STPG2: variants seen among roughly 807,000 people sequenced by gnomAD.
The protein encoded by STPG2 is sperm tail PG-rich repeat containing 2.
STPG2 carries 56 observed loss-of-function variants against 54.2 expected under a neutral mutation model. The observed-to-expected ratio is 1.03, with a 90% CI of 0.83 to 1.29. The LOEUF is 1.29. Among genes scored for constraint, STPG2 ranks in the 50% most tolerant of loss-of-function variants. The pLI is 0.00. For synonymous variants in STPG2, 200 were observed against 181.8 expected (o/e 1.10, Z -0.81); for missense variants, 596 against 544.9 (o/e 1.09, Z -0.93).
chr4:97,705,516 G>C (rs1375974130), intron 10 of STPG2, among the ~76,000 whole-genome samples: 1 of 151,844 alleles, frequency 6.6e-6, no homozygotes, highest in Non-Finnish European at 1.5e-5. Context: ...AGTCGAGACG[G>C]GGTTTCATCA....
chr4:97,553,943 A>G (rs1732022109), downstream of STPG2, among the ~76,000 whole-genome samples: 1 of 151,404 alleles, frequency 6.6e-6, no homozygotes, highest in African/African-American at 2.5e-5. Context: ...CCTGCCATAC[A>G]GACAGACACT....
chr4:97,521,979 T>C (rs959297671), intron 4 of STPG2, among the ~76,000 whole-genome samples: 14 of 151,866 alleles, frequency 9.2e-5, no homozygotes, highest in African/African-American at 3.1e-4. Context: ...TTAAAAATAT[T>C]AGTGGTAATG....
At chr4:97,685,391 G>A (rs932981675) in intron 10 of STPG2, among the ~76,000 whole-genome samples, 2 of 152,056 alleles carry the variant, frequency 1.3e-5, no homozygotes, top group African/African-American at 2.4e-5. Context: ...AAATAAATGC[G>A]TTATCAAGCT....
chr4:97,957,106 TAC>T (rs1733700683), intron 7 of STPG2, among the ~76,000 whole-genome samples: 1 of 140,508 alleles, frequency 7.1e-6, no homozygotes, highest in African/African-American at 2.6e-5. Flanking sequence ...AGGTGAAATA[TAC>T]ATGTGAAATA....
intron 6 of STPG2, among the ~76,000 whole-genome samples, chr4:97,979,284 C>T (rs1734594626): frequency 6.6e-6 from 1 of 152,012 alleles, no homozygotes; most frequent in African/African-American, 2.4e-5. Flanking sequence ...AACCAAGAGC[C>T]TAAAAGGCAG....
At chr4:97,904,012 G>C (rs144505014) in intron 8 of STPG2, among the ~76,000 whole-genome samples, 27,465 of 152,114 alleles carry the variant, frequency 0.18, 3,056 homozygotes, top group Non-Finnish European at 0.26. Flanking sequence ...AGGCAGCAGC[G>C]AGGCTGGGGG....
chr4:98,139,911 T>A (rs533080685), intron 1 of STPG2, among the ~76,000 whole-genome samples: 1 of 152,358 alleles, frequency 6.6e-6, no homozygotes, highest in Admixed American at 6.5e-5. Context: ...TTATGTGTTA[T>A]GGTATTCACC....
intron 5 of STPG2, among the ~76,000 whole-genome samples, chr4:98,071,566 G>T (rs1368171862): frequency 6.6e-6 from 1 of 152,138 alleles, no homozygotes; most frequent in Non-Finnish European, 1.5e-5. Flanking sequence ...TGACAAGTGG[G>T]ATCTAATTAA....
intron 10 of STPG2, among the ~76,000 whole-genome samples, chr4:97,596,340 C>T (rs1308680394): frequency 1.3e-5 from 2 of 152,078 alleles, no homozygotes; most frequent in Admixed American, 1.3e-4. Context: ...TTAGACAGAT[C>T]ACTGAGACAG....
At position 97,455,051 on chromosome 4, in the gene STPG2, A is replaced by T. The variant is rs556003786; in HGVS notation, c.462+257648T>A. 2.6e-5 allele frequency among the ~76,000 whole-genome samples: 4 copies of T among 152,292 alleles called. 1 individual carries two copies. Among genetic ancestry groups the T allele is most frequent in the Admixed American group, 2.6e-4 (4 of 15,288 alleles). The stretch of plus-strand genomic sequence containing the variant: ...ATTGGTGAAAAAAAGAAACAAACAG[A>T]TTGATAGAAAAAAAAATCTAGACAC... On this transcript the variant is annotated intron_variant, in intron 4 of 4. Coordinates refer to the STPG2 transcript ENST00000522676.
chr4:97,911,456 G>A (rs545476503), intron 8 of STPG2, among the ~76,000 whole-genome samples: 138 of 152,254 alleles, frequency 9.1e-4, no homozygotes, highest in African/African-American at 3.2e-3. Context: ...CGGGGGGCAG[G>A]GGCAGCTGCC....
chr4:97,925,935 T>C (rs1282771665), intron 8 of STPG2, among the ~76,000 whole-genome samples: 1 of 152,158 alleles, frequency 6.6e-6, no homozygotes, highest in Non-Finnish European at 1.5e-5. Flanking sequence ...TCCTCAAGGC[T>C]TAATGACGGT....
intron 5 of STPG2, among the ~76,000 whole-genome samples, chr4:98,092,322 T>C (rs1738717506): frequency 6.6e-6 from 1 of 152,060 alleles, no homozygotes; most frequent in African/African-American, 2.4e-5. Flanking sequence ...ATACAGTAAC[T>C]GTAACATGAA....
intron 9 of STPG2, among the ~76,000 whole-genome samples, chr4:97,734,024 C>A (rs1724891353): frequency 6.6e-6 from 1 of 152,112 alleles, no homozygotes; most frequent in East Asian, 1.9e-4. Context: ...TTGCTCTGGG[C>A]AAAATTTCCA....
intron 10 of STPG2, among the ~76,000 whole-genome samples, chr4:97,583,314 T>A (rs1481601770): frequency 2.0e-5 from 3 of 151,998 alleles, no homozygotes; most frequent in Non-Finnish European, 4.4e-5. Flanking sequence ...GAATAGCTAC[T>A]GTACACTGTC....
intron 9 of STPG2, among the ~76,000 whole-genome samples, chr4:97,813,238 T>TA (rs35086328): frequency 0.39 from 59,401 of 151,258 alleles, 11,773 homozygotes; most frequent in Middle Eastern, 0.47. Flanking sequence ...GTAAAAACAG[T>TA]AAAAAAAATA....
chr4:97,986,109 A>G (rs1734823476), intron 5 of STPG2, among the ~76,000 whole-genome samples: 1 of 152,160 alleles, frequency 6.6e-6, no homozygotes, highest in Non-Finnish European at 1.5e-5. Context: ...CTAGCCCATT[A>G]AAAATCATGT....
chr4:97,890,076 GT>G (rs1329262462), intron 8 of STPG2, among the ~76,000 whole-genome samples: 4 of 152,080 alleles, frequency 2.6e-5, no homozygotes, highest in Admixed American at 2.6e-4. Context: ...TCTCAAAAGA[GT>G]AATCTTTTTC....
intron 7 of STPG2, among the ~76,000 whole-genome samples, chr4:97,944,866 T>C (rs1324345879): frequency 6.6e-6 from 1 of 152,148 alleles, no homozygotes; most frequent in Non-Finnish European, 1.5e-5. Context: ...TCTCCACTTT[T>C]TTCCACATGA....
Sources: gnomAD v4.1 joint callset for allele counts (sites outside exome capture counted in the v4.1 genomes callset) on GRCh38, gnomAD v4.1.1 for gene constraint, MANE v1.5 for transcripts, NCBI Gene and HGNC (gene_info 2026-07-23, HGNC 2026-07-21) for gene names.